Variants in TMPRSS11D observed in about 807,000 individuals in gnomAD.
The protein encoded by TMPRSS11D is transmembrane protease serine 11D.
Under a neutral mutation model 44.4 loss-of-function variants are expected in TMPRSS11D, and 32 were observed. The ratio of observed to expected loss-of-function variants is 0.72; its 90% CI spans 0.54 to 0.97. TMPRSS11D has a LOEUF of 0.97. Ranked by LOEUF, TMPRSS11D falls within the 50% of genes least tolerant of loss-of-function variation. The probability of loss-of-function intolerance (pLI) is 0.00; values close to 1 mark genes in which losing one functional copy is unlikely to be tolerated. For missense variants in TMPRSS11D, 446 were observed against 502.6 expected (o/e 0.89, Z 1.08); for synonymous variants, 179 against 177.9 (o/e 1.01, Z -0.05).
intron 3 of TMPRSS11D, among the ~76,000 whole-genome samples, chr4:67,852,821 T>C (rs1718540737): frequency 6.6e-6 from 1 of 152,092 alleles, no homozygotes; most frequent in Admixed American, 6.5e-5. Context: ...CCCGACCAAA[T>C]GTTGTGGATA....
chr4:67,825,839 T>C lies in TMPRSS11D; in HGVS notation c.988A>G (p.Arg330Gly). The change falls in exon 9 of 10, where the codon AGA (arginine) becomes GGA (glycine). Residue 330 changes from arginine (R) to glycine (G), a missense_variant. By Grantham distance (125) the Arg-to-Gly change is moderately radical. Coordinates refer to ENST00000283916, the MANE Select transcript of TMPRSS11D (RefSeq NM_004262.3). ...TVPELRQGQV[R>G]IISNDVCNAP... ...TTACATACATCATTACTTATTATTC[T>C]GACCTGTCCTTGCCTTAGCTCTGGA... 1 of 1,613,038 alleles carries C rather than the reference T, an allele frequency of 6.2e-7. No individual in the cohort carries two copies. The highest frequency in any genetic ancestry group is 8.5e-7 in the Non-Finnish European group (1 of 1,179,308).
chr4:67,847,244 T>C (rs1718381820), intron 3 of TMPRSS11D, among the ~76,000 whole-genome samples: 1 of 152,030 alleles, frequency 6.6e-6, no homozygotes, highest in South Asian at 2.1e-4. Context: ...TGAAGGAAAA[T>C]GTTGTGTGTG....
At chr4:67,863,311 C>G (rs1718837393) in intron 1 of TMPRSS11D, among the ~76,000 whole-genome samples, 1 of 141,290 alleles carries the variant, frequency 7.1e-6, no homozygotes, top group Non-Finnish European at 1.5e-5. Context: ...AAATAGAAAA[C>G]CAAAACTGGT....
chr4:67,839,077 G>T (rs1265896447), intron 4 of TMPRSS11D: 1 of 152,088 alleles, frequency 6.6e-6, no homozygotes, highest in Non-Finnish European at 1.5e-5. Context: ...GTACATTAAA[G>T]ATATTTGGCT....
chr4:67,849,362 G>A lies in TMPRSS11D; in HGVS notation c.249+4706C>T, dbSNP rs150963388. 2.4e-3 allele frequency among the ~76,000 whole-genome samples: 363 copies of A among 152,318 alleles called. 2 individuals carry two copies. Among genetic ancestry groups the A allele is most frequent in the African/African-American group, 8.1e-3 (336 of 41,570 alleles). ...AAAGAATGTCTAGGCTGGAAATATA[G>A]TGAATCATTGGCGTATAAATACAGG... On this transcript the variant is annotated intron_variant, in intron 3 of 9. Transcript: ENST00000283916.
chr4:67,823,456 A>G (rs1407705993), intron 9 of TMPRSS11D, among the ~76,000 whole-genome samples: 1 of 152,172 alleles, frequency 6.6e-6, no homozygotes, highest in Non-Finnish European at 1.5e-5. Context: ...CTTACCAGCT[A>G]TGTGACCTTT....
intron 1 of TMPRSS11D, among the ~76,000 whole-genome samples, chr4:67,870,891 A>G (rs1231828907): frequency 6.6e-6 from 1 of 151,760 alleles, no homozygotes; most frequent in East Asian, 1.9e-4. Context: ...TACACTTATA[A>G]CTTTCTAATA....
At chr4:67,846,309 C>T (rs527973710) in intron 3 of TMPRSS11D, among the ~76,000 whole-genome samples, 44 of 151,784 alleles carry the variant, frequency 2.9e-4, no homozygotes, top group African/African-American at 8.9e-4. Flanking sequence ...TAACAATATC[C>T]ATTATAATAT....
intron 5 of TMPRSS11D, 177 bp downstream of exon 5, chr4:67,837,994 TA>T (rs1718138725): frequency 2.2e-6 from 1 of 458,282 alleles, no homozygotes. Flanking sequence ...AATGATTCTT[TA>T]AGTCTTAGAA....
At chr4:67,837,227 A>G (rs900429307) in intron 5 of TMPRSS11D, among the ~76,000 whole-genome samples, 1 of 152,188 alleles carries the variant, frequency 6.6e-6, no homozygotes, top group Admixed American at 6.6e-5. Context: ...GTGTGGAAGC[A>G]GAGGTAATAT....
chr4:67,852,968 G>A (rs2109682797), intron 3 of TMPRSS11D, among the ~76,000 whole-genome samples: 1 of 152,264 alleles, frequency 6.6e-6, no homozygotes, highest in East Asian at 1.9e-4. Flanking sequence ...CAATTTTGTG[G>A]CGAGGTGATG....
At chr4:67,843,826 G>C (rs150295410) in intron 3 of TMPRSS11D, among the ~76,000 whole-genome samples, 4,563 of 152,296 alleles carry the variant, frequency 0.03, 221 homozygotes, top group African/African-American at 0.1. Flanking sequence ...GGGAGGCTGA[G>C]GCAGGAGAAT....
chr4:67,831,298 A>G (rs754200313), intron 7 of TMPRSS11D, among the ~76,000 whole-genome samples: 6 of 152,096 alleles, frequency 3.9e-5, no homozygotes, highest in Non-Finnish European at 7.4e-5. Flanking sequence ...ACTTTGATGT[A>G]AGGCTGGTCA....
At chr4:67,881,693 G>A (rs1282075909) in intron 1 of TMPRSS11D, among the ~76,000 whole-genome samples, 3 of 152,202 alleles carry the variant, frequency 2.0e-5, no homozygotes, top group South Asian at 2.1e-4. Context: ...TCGTCCCCCC[G>A]CCAACTTTTG....
At chr4:67,857,193 C>T (rs1718658996) in intron 2 of TMPRSS11D, among the ~76,000 whole-genome samples, 1 of 150,966 alleles carries the variant, frequency 6.6e-6, no homozygotes, top group Admixed American at 6.6e-5. Flanking sequence ...GGGTGTTTAT[C>T]GCAGCACTGT....
chr4:67,834,173 A>G (rs756907504), intron 6 of TMPRSS11D, among the ~76,000 whole-genome samples: 7 of 152,102 alleles, frequency 4.6e-5, no homozygotes, highest in Admixed American at 3.9e-4. Context: ...TGTGTGGTCT[A>G]TTACTAAGAA....
intron 8 of TMPRSS11D, among the ~76,000 whole-genome samples, chr4:67,827,043 C>A (rs1717810148): frequency 6.6e-6 from 1 of 152,010 alleles, no homozygotes; most frequent in South Asian, 2.1e-4. Flanking sequence ...TTACATTTTC[C>A]TATTACTATA....
chr4:67,846,809 T>A (rs1253073430), intron 3 of TMPRSS11D, among the ~76,000 whole-genome samples: 2 of 152,164 alleles, frequency 1.3e-5, no homozygotes. Flanking sequence ...TGATTTTCAG[T>A]AAAACAAAAC....
In TMPRSS11D at chr4:67,859,417, T is replaced by TG. The variant is rs1718740123; in HGVS notation, c.130+139dup. ...AAAAATACAGATATGCATCTATATT[T>TG]GGGGAAGAATTATAAGTAAGATATA... is the stretch of plus-strand genomic sequence containing the variant. On this transcript the variant is annotated intron_variant, in intron 2 of 9. Transcript: ENST00000283916. 3.8e-6 allele frequency: 4 copies of TG among 1,059,784 alleles called. No individual in the cohort carries two copies. The African/African-American group carries it at 4.8e-5, about 13-fold the overall frequency. 65.6% of individuals were successfully genotyped at this position (1,059,784 alleles called of 1,614,324 possible).
Sources: gnomAD v4.1 joint callset for allele counts (sites outside exome capture counted in the v4.1 genomes callset) on GRCh38, gnomAD v4.1.1 for gene constraint, MANE v1.5 for transcripts, NCBI Gene and HGNC (gene_info 2026-07-23, HGNC 2026-07-21) for gene names.